PTPRD: variants seen among roughly 807,000 people sequenced by gnomAD.
PTPRD encodes the protein receptor-type tyrosine-protein phosphatase delta.
Under a neutral mutation model 214.5 loss-of-function variants are expected in PTPRD, and 34 were observed. The observed-to-expected ratio is 0.16, with a 90% CI of 0.12 to 0.21. The LOEUF (loss-of-function observed/expected upper bound fraction) is 0.21. PTPRD is among the 10% of genes least tolerant of loss of function. The pLI is 1.00. For missense variants in PTPRD, 2,545 were observed against 2,398.7 expected (o/e 1.06, Z -1.27); for synonymous variants, 1,128 against 845.7 (o/e 1.33, Z -5.79).
intron 11 of PTPRD, among the ~76,000 whole-genome samples, chr9:8,859,383 A>G (rs2098045988): frequency 6.6e-6 from 1 of 152,060 alleles, no homozygotes; most frequent in African/African-American, 2.4e-5. Flanking sequence ...CTTCTTCACT[A>G]CTCATAGGGT....
intron 36 of PTPRD, among the ~76,000 whole-genome samples, chr9:8,402,542 C>T (rs1479768145): frequency 2.6e-5 from 4 of 152,112 alleles, no homozygotes; most frequent in Non-Finnish European, 5.9e-5. Flanking sequence ...GAGACCATGC[C>T]AAATAGATTC....
chr9:10,203,428 G>A (rs1046388720), intron 3 of PTPRD, among the ~76,000 whole-genome samples: 2 of 151,962 alleles, frequency 1.3e-5, no homozygotes, highest in African/African-American at 2.4e-5. Flanking sequence ...AGGACATTTG[G>A]TAGGTTTGGC....
chr9:10,328,453 T>G (rs1384302545), intron 3 of PTPRD, among the ~76,000 whole-genome samples: 1 of 151,694 alleles, frequency 6.6e-6, no homozygotes, highest in East Asian at 2.0e-4. Flanking sequence ...ATAGAAATCA[T>G]TTTTTAAAAT....
At chr9:10,218,243 C>A (rs545729276) in intron 3 of PTPRD, among the ~76,000 whole-genome samples, 2 of 151,850 alleles carry the variant, frequency 1.3e-5, no homozygotes, top group Non-Finnish European at 2.9e-5. Context: ...ATATTAAAAA[C>A]AAGCAAGCAC....
chr9:8,931,526 G>A (rs1239792607), intron 11 of PTPRD, among the ~76,000 whole-genome samples: 2 of 152,094 alleles, frequency 1.3e-5, no homozygotes, highest in African/African-American at 4.8e-5. Context: ...GATGGGGATG[G>A]CATTGAATCT....
intron 11 of PTPRD, among the ~76,000 whole-genome samples, chr9:8,743,116 G>GT (rs527448093): frequency 5.5e-5 from 8 of 145,192 alleles, no homozygotes; most frequent in Admixed American, 1.5e-4. Context: ...AAAAAAAAAG[G>GT]GGGGGGGGAC....
At chr9:9,616,131 TAAGA>T (rs1471290324) in intron 7 of PTPRD, among the ~76,000 whole-genome samples, 4 of 152,178 alleles carry the variant, frequency 2.6e-5, no homozygotes, top group Non-Finnish European at 5.9e-5. Flanking sequence ...TACAGGCTCA[TAAGA>T]AAGAAAGACA....
chr9:8,482,858 T>A (rs1452575410), intron 30 of PTPRD, among the ~76,000 whole-genome samples: 2 of 152,108 alleles, frequency 1.3e-5, no homozygotes, highest in Admixed American at 1.3e-4. Flanking sequence ...TTGCATATAG[T>A]CTCTCTTTTA....
At chr9:9,520,042 C>T (rs146022291) in intron 8 of PTPRD, among the ~76,000 whole-genome samples, 1 of 152,000 alleles carries the variant, frequency 6.6e-6, no homozygotes, top group East Asian at 1.9e-4. Context: ...GTTGGTACTT[C>T]AAAACATTGG....
intron 14 of PTPRD, among the ~76,000 whole-genome samples, chr9:8,570,470 A>T (rs985101024): frequency 3.9e-5 from 6 of 152,188 alleles, no homozygotes; most frequent in African/African-American, 1.4e-4. Context: ...ATGAGCAACA[A>T]CAAGAAAGGG....
At chr9:10,380,500 T>C (rs1052305457) in intron 2 of PTPRD, among the ~76,000 whole-genome samples, 1 of 152,054 alleles carries the variant, frequency 6.6e-6, no homozygotes, top group Non-Finnish European at 1.5e-5. Flanking sequence ...ACGAAACACA[T>C]ATCATAGTAC....
chr9:8,430,104 A>G lies in PTPRD; in HGVS notation c.4086+6488T>C, dbSNP rs184232219. ...TTATTATCTCAACCCACACCACAAA[A>G]TGTATAACATCTAGAATGTACCTGA... On this transcript the variant is annotated intron_variant, in intron 35 of 45. Coordinates refer to ENST00000381196, the MANE Select transcript of PTPRD (RefSeq NM_002839.4). Among the ~76,000 whole-genome samples, 173 of 152,196 alleles carry G rather than the reference A, an allele frequency of 1.1e-3. 1 individual carries two copies. Among genetic ancestry groups the G allele is most frequent in the African/African-American group, 4.1e-3 (170 of 41,530 alleles).
At chr9:8,607,360 T>C (rs111701984) in intron 14 of PTPRD, among the ~76,000 whole-genome samples, 1 of 152,230 alleles carries the variant, frequency 6.6e-6, no homozygotes, top group East Asian at 1.9e-4. Flanking sequence ...TAAGTAGGAA[T>C]AGGGCCGGGT....
intron 8 of PTPRD, among the ~76,000 whole-genome samples, chr9:9,450,614 TA>T (rs1443598215): frequency 6.6e-6 from 1 of 151,892 alleles, no homozygotes; most frequent in Non-Finnish European, 1.5e-5. Context: ...TCTGATTCAG[TA>T]AATATAGCAT....
intron 11 of PTPRD, among the ~76,000 whole-genome samples, chr9:8,954,892 A>G (rs1194429576): frequency 6.6e-6 from 1 of 151,952 alleles, no homozygotes; most frequent in Non-Finnish European, 1.5e-5. Flanking sequence ...TATCTTAAAG[A>G]AATCTACCAA....
intron 10 of PTPRD, among the ~76,000 whole-genome samples, chr9:9,020,502 T>C (rs546842456): frequency 7.9e-4 from 120 of 152,240 alleles, no homozygotes; most frequent in Non-Finnish European, 1.5e-3. Context: ...GTTGAGGCAT[T>C]GAATGTGAAG....
rs376373402 is a variant in PTPRD, at chr9:8,750,135, C to T, written c.-103-16189G>A. Among the ~76,000 whole-genome samples the T allele has an allele frequency of 4.6e-5, 7 of 151,566 alleles. No homozygotes were observed. In the East Asian group the frequency reaches 9.7e-4, roughly 21 times the overall value. The stretch of plus-strand genomic sequence containing the variant: ...AAAAGCAAGTTCCCTGATACTGATA[C>T]ATTCTGGTGCTAGGAGATAGAAAAA... On this transcript the variant is annotated intron_variant, in intron 11 of 45. Transcript: ENST00000381196.
chr9:8,919,513 T>G (rs2098810355), intron 11 of PTPRD, among the ~76,000 whole-genome samples: 1 of 152,208 alleles, frequency 6.6e-6, no homozygotes, highest in Admixed American at 6.5e-5. Context: ...TATTATAGTT[T>G]TCATTCTAAA....
chr9:8,518,072 T>A lies in PTPRD; in HGVS notation c.1319A>T (p.Glu440Val), dbSNP rs1301678919. The change falls in exon 21 of 46, where the codon GAA becomes GTA. Residue 440 changes from glutamate (E) to valine (V), a missense_variant. By Grantham distance (121) the Glu-to-Val change is moderately radical (BLOSUM62 -2). Coordinates refer to ENST00000381196, the MANE Select transcript of PTPRD (RefSeq NM_002839.4). ...GATCTGTCCATTTGGCTCTTCAGGT[T>A]CCTTCCACTGTACCAAAATGGTGGT... ...SSTTILVQWK[E>V]PEEPNGQIQG... 5 of 1,614,082 alleles carry A rather than the reference T, an allele frequency of 3.1e-6. No homozygotes were observed. The highest frequency in any genetic ancestry group is 4.2e-6 in the Non-Finnish European group (5 of 1,180,036).
Sources: allele counts gnomAD v4.1 joint callset (sites outside exome capture counted in the v4.1 genomes callset), GRCh38; gene constraint gnomAD v4.1.1; transcripts MANE v1.5; gene names NCBI Gene and HGNC (gene_info 2026-07-23, HGNC 2026-07-21).